Variants in MAML3 observed in about 807,000 individuals in gnomAD.
MAML3 encodes the protein mastermind-like protein 3.
Under a neutral mutation model 101.9 loss-of-function variants are expected in MAML3, and 27 were observed. The observed-to-expected ratio is 0.27, with a 90% CI of 0.20 to 0.37. The LOEUF (loss-of-function observed/expected upper bound fraction) is 0.37. Ranked by LOEUF, MAML3 falls within the 10% of genes least tolerant of loss-of-function variation. The pLI is 1.00. For missense variants in MAML3, 1,316 were observed against 1,444.9 expected (o/e 0.91, Z 1.45); for synonymous variants, 501 against 555.9 (o/e 0.90, Z 1.39).
At chr4:139,973,534 G>C (rs530815723) in intron 1 of MAML3, among the ~76,000 whole-genome samples, 1 of 152,276 alleles carries the variant, frequency 6.6e-6, no homozygotes, top group East Asian at 1.9e-4. Flanking sequence ...TTGTTTCCTT[G>C]AGCAGTTATT....
At chr4:139,822,225 TCACCACCACCACCACCACCACCACCAC>T (rs34942904) in intron 2 of MAML3, among the ~76,000 whole-genome samples, 2 of 126,676 alleles carry the variant, frequency 1.6e-5, no homozygotes, top group East Asian at 5.0e-4. Flanking sequence ...ATTATCACCA[TCACCACCACCACCACCACCACCACCAC>T]CACCACCACC....
intron 2 of MAML3, among the ~76,000 whole-genome samples, chr4:139,790,244 A>ATATATATATATATATATATAT (rs1560795077): frequency 1.0e-5 from 1 of 95,456 alleles, no homozygotes; most frequent in African/African-American, 3.9e-5. Context: ...TATATATATA[A>ATATATATATATATATATATAT]ATAAATATAT....
At chr4:139,769,164 AG>A (rs1190209254) in intron 2 of MAML3, among the ~76,000 whole-genome samples, 1 of 152,240 alleles carries the variant, frequency 6.6e-6, no homozygotes, top group Non-Finnish European at 1.5e-5. Flanking sequence ...AGGATGGGAA[AG>A]AAGACTTGGG....
intron 1 of MAML3, among the ~76,000 whole-genome samples, chr4:139,968,676 C>G (rs1734183228): frequency 6.6e-6 from 1 of 152,174 alleles, no homozygotes; most frequent in Admixed American, 6.6e-5. Context: ...ACAAGGAGGT[C>G]AAGTACTCTG....
At chr4:140,044,127 G>GAA (rs11436921) in intron 1 of MAML3, among the ~76,000 whole-genome samples, 29 of 147,634 alleles carry the variant, frequency 2.0e-4, no homozygotes, top group East Asian at 5.9e-4. Context: ...AAGAAAGAAA[G>GAA]AAAAAAAAAA....
intron 2 of MAML3, among the ~76,000 whole-genome samples, chr4:139,828,975 GAGGA>G (rs548032946): frequency 0.052 from 7,007 of 135,100 alleles, 216 homozygotes; most frequent in Middle Eastern, 0.087. Flanking sequence ...CCTGTTGAAA[GAGGA>G]AGGAAGGAAG....
chr4:139,832,276 TTTTTTA>T (rs1273030451), intron 2 of MAML3, among the ~76,000 whole-genome samples: 50 of 145,104 alleles, frequency 3.4e-4, no homozygotes, highest in Non-Finnish European at 2.8e-4. Flanking sequence ...AGCTATTTTT[TTTTTTA>T]TTTTTATTTT....
chr4:139,828,179 A>G (rs1330866015), intron 2 of MAML3, among the ~76,000 whole-genome samples: 1 of 152,236 alleles, frequency 6.6e-6, no homozygotes, highest in East Asian at 1.9e-4. Flanking sequence ...AACAATTATA[A>G]CATGGCTTAG....
intron 1 of MAML3, among the ~76,000 whole-genome samples, chr4:140,101,503 C>A (rs1728251657): frequency 6.6e-6 from 1 of 152,104 alleles, no homozygotes; most frequent in African/African-American, 2.4e-5. Flanking sequence ...GATATTGGGG[C>A]AAATGTGGTT....
At chr4:140,000,708 C>T (rs1165514072) in intron 1 of MAML3, among the ~76,000 whole-genome samples, 3 of 152,090 alleles carry the variant, frequency 2.0e-5, no homozygotes, top group African/African-American at 7.2e-5. Context: ...TAATAACACC[C>T]TCAATTGAAA....
intron 1 of MAML3, among the ~76,000 whole-genome samples, chr4:140,022,946 G>A (rs766050057): frequency 1.3e-5 from 2 of 152,178 alleles, no homozygotes; most frequent in Non-Finnish European, 2.9e-5. Flanking sequence ...ACAGCACAGA[G>A]TAGCTTTTAC....
In MAML3 at chr4:139,719,752, T is replaced by C. The variant is rs771627802; in HGVS notation, c.2988A>G (p.Arg996=). ...ASYPLQAGQP[R]LTKQHFPQGL... is the part of the protein sequence containing the mutation. ...CCTGTGGGAAGTGCTGCTTGGTCAG[T>C]CTCGGCTGCCCAGCTTGAAGAGGGT... Residue 996 remains arginine, a synonymous_variant, in exon 5 of 5, where the codon AGA becomes AGG. Coordinates refer to ENST00000509479, the MANE Select transcript of MAML3 (RefSeq NM_018717.5). 10 of 1,613,762 alleles carry C rather than the reference T, an allele frequency of 6.2e-6. No homozygotes were observed. The highest frequency in any genetic ancestry group is 8.5e-6 in the Non-Finnish European group (10 of 1,179,850).
At chr4:140,140,912 G>A (rs1483597168) in intron 1 of MAML3, among the ~76,000 whole-genome samples, 1 of 152,072 alleles carries the variant, frequency 6.6e-6, no homozygotes, top group Non-Finnish European at 1.5e-5. Flanking sequence ...AAAACAGCAG[G>A]GCCTGGCAAG....
At chr4:139,830,401 C>A (rs528863518) in intron 2 of MAML3, among the ~76,000 whole-genome samples, 1 of 150,512 alleles carries the variant, frequency 6.6e-6, no homozygotes, top group Non-Finnish European at 1.5e-5. Flanking sequence ...TACTTTTGCA[C>A]GCTGTGCTAT....
chr4:139,989,878 C>CAGAG (rs774170955), intron 1 of MAML3, among the ~76,000 whole-genome samples: 11,948 of 48,754 alleles, frequency 0.25, 609 homozygotes, highest in Admixed American at 0.32. Flanking sequence ...CACACACACA[C>CAGAG]ACACAGAGAG....
At chr4:139,827,920 T>C (rs1731092479) in intron 2 of MAML3, among the ~76,000 whole-genome samples, 1 of 152,332 alleles carries the variant, frequency 6.6e-6, no homozygotes, top group African/African-American at 2.4e-5. Flanking sequence ...GGAAATTTAA[T>C]TGGTGATAAA....
At chr4:139,773,086 T>G (rs770566284) in intron 2 of MAML3, among the ~76,000 whole-genome samples, 15 of 152,138 alleles carry the variant, frequency 9.9e-5, no homozygotes, top group Non-Finnish European at 2.1e-4. Flanking sequence ...TTTTTGGTAG[T>G]TTTAAAAAGA....
At chr4:139,841,092 A>G (rs1408066577) in intron 2 of MAML3, among the ~76,000 whole-genome samples, 1 of 152,236 alleles carries the variant, frequency 6.6e-6, no homozygotes, top group African/African-American at 2.4e-5. Context: ...CCAGCATTAT[A>G]AGGGAAGTAT....
intron 1 of MAML3, among the ~76,000 whole-genome samples, chr4:140,093,155 T>C (rs996639475): frequency 6.6e-6 from 1 of 152,236 alleles, no homozygotes; most frequent in Non-Finnish European, 1.5e-5. Context: ...TGAATTTTCT[T>C]AGGCGGTCCT....
Sources: allele counts gnomAD v4.1 joint callset (sites outside exome capture counted in the v4.1 genomes callset), GRCh38; gene constraint gnomAD v4.1.1; transcripts MANE v1.5; gene names NCBI Gene and HGNC (gene_info 2026-07-23, HGNC 2026-07-21).